Variants in CTNNA3 observed in about 807,000 individuals in gnomAD.
CTNNA3 encodes the protein catenin alpha-3.
Under a neutral mutation model 95.7 loss-of-function variants are expected in CTNNA3, and 76 were observed. That is an observed-to-expected ratio of 0.79 (90% CI 0.66 to 0.96). The LOEUF (loss-of-function observed/expected upper bound fraction) is 0.96, where lower values mean the gene tolerates loss of function less well. Ranked by LOEUF, CTNNA3 falls within the 40% of genes least tolerant of loss-of-function variation. The pLI, the probability that CTNNA3 is intolerant of heterozygous loss-of-function variation, is 0.00. For missense variants in CTNNA3, 1,191 were observed against 1,089.8 expected, an observed-to-expected ratio of 1.09 and a Z score of -1.31; for synonymous variants, 431 against 374.4, an observed-to-expected ratio of 1.15 and a Z score of -1.74.
At chr10:67,164,533 G>A (rs1287991605) in intron 7 of CTNNA3, among the ~76,000 whole-genome samples, 4 of 151,992 alleles carry the variant, frequency 2.6e-5, no homozygotes, top group Admixed American at 1.3e-4. Flanking sequence ...CCTAGAACTC[G>A]TTGAACCATT....
At chr10:66,606,045 T>C (rs1844109613) in intron 10 of CTNNA3, among the ~76,000 whole-genome samples, 1 of 151,720 alleles carries the variant, frequency 6.6e-6, no homozygotes, top group South Asian at 2.1e-4. Flanking sequence ...TCACATGCAA[T>C]GACACCCATA....
chr10:67,361,074 A>C (rs1238227210), intron 5 of CTNNA3, among the ~76,000 whole-genome samples: 1 of 152,140 alleles, frequency 6.6e-6, no homozygotes, highest in Non-Finnish European at 1.5e-5. Context: ...CAACAAGAAG[A>C]CTTAACTATC....
At chr10:65,976,580 C>T (rs2078210487) in intron 16 of CTNNA3, among the ~76,000 whole-genome samples, 2 of 152,112 alleles carry the variant, frequency 1.3e-5, no homozygotes, top group Admixed American at 6.5e-5. Context: ...CAGAAGCAGT[C>T]AGTTTTATAA....
At chr10:66,593,312 G>T (rs986557954) in intron 10 of CTNNA3, among the ~76,000 whole-genome samples, 1 of 152,106 alleles carries the variant, frequency 6.6e-6, no homozygotes, top group Non-Finnish European at 1.5e-5. Context: ...CCAGTTTCAA[G>T]TCACTGGTGA....
intron 8 of CTNNA3, among the ~76,000 whole-genome samples, chr10:66,774,177 A>G (rs1348476145): frequency 6.6e-6 from 1 of 152,208 alleles, no homozygotes; most frequent in Non-Finnish European, 1.5e-5. Context: ...AAAAGACACG[A>G]ACGAGAGACA....
intron 11 of CTNNA3, among the ~76,000 whole-genome samples, chr10:66,379,788 TC>T (rs2092822868): frequency 6.6e-6 from 1 of 152,130 alleles, no homozygotes; most frequent in African/African-American, 2.4e-5. Flanking sequence ...ACAAATGAAT[TC>T]CAGAGAAAGT....
At chr10:66,004,525 G>A (rs1332731963) in intron 15 of CTNNA3, among the ~76,000 whole-genome samples, 4 of 152,128 alleles carry the variant, frequency 2.6e-5, no homozygotes, top group Admixed American at 2.6e-4. Context: ...TCGACCATCC[G>A]ATGTTCCCTA....
At chr10:66,009,310 T>TA (rs961478312) in intron 15 of CTNNA3, among the ~76,000 whole-genome samples, 10 of 152,206 alleles carry the variant, frequency 6.6e-5, no homozygotes, top group African/African-American at 1.7e-4. Context: ...GTTTATTTTA[T>TA]AAAAAAATTA....
intron 1 of CTNNA3, among the ~76,000 whole-genome samples, chr10:67,649,227 A>G (rs570049838): frequency 6.6e-6 from 1 of 152,366 alleles, no homozygotes; most frequent in East Asian, 1.9e-4. Flanking sequence ...GAACTAAAAT[A>G]AAATTTGGTG....
chr10:66,358,625 C>T (rs987760447), intron 12 of CTNNA3, among the ~76,000 whole-genome samples: 7 of 152,134 alleles, frequency 4.6e-5, no homozygotes, highest in African/African-American at 1.7e-4. Context: ...CACCTTTCTG[C>T]TCATTTTTCT....
chr10:67,256,584 T>C (rs1295491749), intron 5 of CTNNA3, among the ~76,000 whole-genome samples: 1 of 152,190 alleles, frequency 6.6e-6, no homozygotes, highest in Non-Finnish European at 1.5e-5. Context: ...CTAAAGTCTC[T>C]TTATCCTTAC....
chr10:67,265,631 G>T (rs1205947588), intron 5 of CTNNA3, among the ~76,000 whole-genome samples: 1 of 152,012 alleles, frequency 6.6e-6, no homozygotes, highest in South Asian at 2.1e-4. Flanking sequence ...AGAGAATACC[G>T]CATTTTCCAT....
At chr10:67,051,335 G>A (rs1855078424) in intron 7 of CTNNA3, among the ~76,000 whole-genome samples, 1 of 152,018 alleles carries the variant, frequency 6.6e-6, no homozygotes, top group African/African-American at 2.4e-5. Flanking sequence ...TCTTATCTAT[G>A]GAAAGGGAAG....
At chr10:67,575,210 G>A (rs1182132817) in intron 3 of CTNNA3, among the ~76,000 whole-genome samples, 1 of 152,040 alleles carries the variant, frequency 6.6e-6, no homozygotes, top group African/African-American at 2.4e-5. Flanking sequence ...TTTCTCTGGA[G>A]GTTCTGAATC....
intron 11 of CTNNA3, among the ~76,000 whole-genome samples, chr10:66,496,116 A>T (rs921741046): frequency 6.6e-6 from 1 of 152,182 alleles, no homozygotes; most frequent in Non-Finnish European, 1.5e-5. Flanking sequence ...TCCTTCAGTT[A>T]ACTGAACATT....
At chr10:67,132,750 T>C (rs1860084081) in intron 7 of CTNNA3, among the ~76,000 whole-genome samples, 1 of 151,896 alleles carries the variant, frequency 6.6e-6, no homozygotes, top group Admixed American at 6.6e-5. Context: ...TAAAGGAAAA[T>C]CATGTCATTC....
chr10:67,050,559 C>T (rs1855023073), intron 7 of CTNNA3, among the ~76,000 whole-genome samples: 1 of 152,152 alleles, frequency 6.6e-6, no homozygotes, highest in Admixed American at 6.5e-5. Context: ...AAACCTAAGA[C>T]CACCTTCCCT....
At chr10:65,969,403 C>T (rs1024518723) in intron 16 of CTNNA3, among the ~76,000 whole-genome samples, 1 of 152,134 alleles carries the variant, frequency 6.6e-6, no homozygotes, top group African/African-American at 2.4e-5. Context: ...ACATACCATA[C>T]TAGTTCTCCA....
In CTNNA3 at chr10:66,204,854, G is replaced by A. The variant is rs544429534; in HGVS notation, c.1884+75616C>T. ...AGGGCACCTGGTGGAAGCCCAATATGCATTTGACAAATGAAGAAACACATA... is the reference window on the plus strand; with the variant it reads ...AGGGCACCTGGTGGAAGCCCAATATACATTTGACAAATGAAGAAACACATA... On this transcript the variant is annotated intron_variant, in intron 13 of 17. Coordinates refer to ENST00000433211, the MANE Select transcript of CTNNA3 (RefSeq NM_013266.4). 2.0e-5 allele frequency among the ~76,000 whole-genome samples: 3 copies of A among 152,256 alleles called. No homozygotes were observed. The South Asian group carries it at 6.2e-4, about 32-fold the overall frequency.
Sources: gnomAD v4.1 joint callset for allele counts (sites outside exome capture counted in the v4.1 genomes callset) on GRCh38, gnomAD v4.1.1 for gene constraint, MANE v1.5 for transcripts, NCBI Gene and HGNC (gene_info 2026-07-23, HGNC 2026-07-21) for gene names.